DNAH12: variants seen among roughly 807,000 people sequenced by gnomAD.
DNAH12 encodes dynein axonemal heavy chain 12.
Under a neutral mutation model 371.5 loss-of-function variants are expected in DNAH12, and 285 were observed. The observed-to-expected ratio is 0.77, with a 90% CI of 0.70 to 0.85. DNAH12 has a LOEUF of 0.85. DNAH12 is among the 40% of genes least tolerant of loss of function. The probability of loss-of-function intolerance (pLI) is 0.00; values close to 1 mark genes in which losing one functional copy is unlikely to be tolerated. For missense variants in DNAH12, 3,611 were observed against 3,689.4 expected (o/e 0.98, Z 0.55); for synonymous variants, 1,200 against 1,213.0 (o/e 0.99, Z 0.22).
At position 57,507,820 on chromosome 3, in the gene DNAH12, G is replaced by C. The variant is rs1474138750; in HGVS notation, c.720C>G (p.Asp240Glu). 3 of 1,584,948 alleles carry C rather than the reference G, an allele frequency of 1.9e-6. No individual in the cohort carries two copies. The highest frequency in any genetic ancestry group is 2.6e-6 in the Non-Finnish European group (3 of 1,173,662). ...FTGIRAKGPI[D>E]CESLKTDLSI... ...ATAGATCAGTTTTCAGTGATTCACA[G>C]TCAATTGGACCTTTAGCTCTATTTA... The change falls in exon 8 of 74, where the codon GAC (aspartate) becomes GAG (glutamate). Residue 240 changes from aspartate (D) to glutamate (E), a missense_variant. Coordinates refer to ENST00000495027, the MANE Select transcript of DNAH12 (RefSeq NM_001366028.2).
chr3:57,552,163 T>C, the DNAH12 span, among the ~76,000 whole-genome samples: 1 of 150,534 alleles, frequency 6.6e-6, no homozygotes, highest in African/African-American at 2.4e-5. Context: ...GAGAATGGCA[T>C]GAACCCAGGA....
intron 17 of DNAH12, among the ~76,000 whole-genome samples, chr3:57,463,255 CAG>C (rs1312465502): frequency 6.7e-6 from 1 of 149,918 alleles, no homozygotes; most frequent in Non-Finnish European, 1.5e-5. Flanking sequence ...GCCTGGGTGA[CAG>C]AGTGAGGACT....
chr3:57,335,057 A>G, intron 60 of DNAH12, 117 bp from the exon 61 acceptor site: 1 of 1,061,544 alleles, frequency 9.4e-7, no homozygotes, highest in Non-Finnish European at 1.3e-6. Context: ...CACCTGCTGT[A>G]AACAACTAGA....
intron 52 of DNAH12, among the ~76,000 whole-genome samples, chr3:57,378,409 T>C (rs2063324408): frequency 1.3e-5 from 2 of 152,142 alleles, no homozygotes; most frequent in South Asian, 4.2e-4. Flanking sequence ...GTCTGCTCCT[T>C]TGAAACTAAC....
chr3:57,460,326 C>T (rs910309963), intron 19 of DNAH12, among the ~76,000 whole-genome samples: 9 of 151,982 alleles, frequency 5.9e-5, no homozygotes, highest in Admixed American at 1.3e-4. Context: ...TACATCAACA[C>T]AATTTGGAGA....
At chr3:57,302,529 G>GTTTATATACATATATATATATATA (rs879293648) in intron 69 of DNAH12, among the ~76,000 whole-genome samples, 1 of 47,850 alleles carries the variant, frequency 2.1e-5, no homozygotes, top group African/African-American at 8.5e-5. Flanking sequence ...GGCATCAGGT[G>GTTTATATACATATATATATATATA]TATATATATA....
intron 65 of DNAH12, among the ~76,000 whole-genome samples, chr3:57,319,460 G>A (rs2091037): frequency 0.015 from 2,245 of 152,210 alleles, 59 homozygotes; most frequent in African/African-American, 0.05. Flanking sequence ...GATCTTACAG[G>A]AAAAATTTTC....
chr3:57,516,507 C>G (rs760491324), intron 4 of DNAH12, among the ~76,000 whole-genome samples: 1 of 152,136 alleles, frequency 6.6e-6, no homozygotes, highest in Non-Finnish European at 1.5e-5. Context: ...TAATAAGTGT[C>G]GCCAATTACC....
intron 12 of DNAH12, among the ~76,000 whole-genome samples, chr3:57,487,414 A>AAAAG (rs5849211): frequency 0.56 from 81,954 of 146,018 alleles, 23,013 homozygotes; most frequent in South Asian, 0.62. Flanking sequence ...AAAAAAAAGA[A>AAAAG]AAAGAAAGAA....
At chr3:57,361,967 A>G (rs1450997582) in intron 58 of DNAH12, among the ~76,000 whole-genome samples, 1 of 151,888 alleles carries the variant, frequency 6.6e-6, no homozygotes. Context: ...GCACCCATTA[A>G]CTCGTCATTT....
At chr3:57,449,151 TAC>T (rs1180885032) in intron 25 of DNAH12, among the ~76,000 whole-genome samples, 2 of 147,806 alleles carry the variant, frequency 1.4e-5, no homozygotes, top group African/African-American at 2.5e-5. Flanking sequence ...AGCAGCTAGA[TAC>T]AGAGTGTTGA....
chr3:57,420,024 A>G (rs1003966894), intron 36 of DNAH12, among the ~76,000 whole-genome samples: 138 of 152,326 alleles, frequency 9.1e-4, no homozygotes, highest in African/African-American at 3.3e-3. Context: ...TAAAACCACT[A>G]TATTTGTTTC....
intron 69 of DNAH12, among the ~76,000 whole-genome samples, chr3:57,302,181 T>G (rs2061361033): frequency 1.3e-5 from 2 of 152,180 alleles, no homozygotes; most frequent in African/African-American, 4.8e-5. Context: ...TCAAAATTTT[T>G]GCTTTCTGGC....
At chr3:57,430,663 G>GTAT (rs978371761) in intron 32 of DNAH12, among the ~76,000 whole-genome samples, 1 of 151,954 alleles carries the variant, frequency 6.6e-6, no homozygotes, top group Non-Finnish European at 1.5e-5. Flanking sequence ...ACTTTTAATA[G>GTAT]TATTATTATT....
chr3:57,482,929 G>C (rs1254451681), intron 13 of DNAH12, among the ~76,000 whole-genome samples: 3 of 124,530 alleles, frequency 2.4e-5, no homozygotes, highest in African/African-American at 6.0e-5. Flanking sequence ...TTGTGGGGTG[G>C]GGGGAGGGGG....
chr3:57,310,124 G>A (rs755234645), intron 67 of DNAH12, among the ~76,000 whole-genome samples: 3 of 152,082 alleles, frequency 2.0e-5, no homozygotes, highest in Non-Finnish European at 4.4e-5. Flanking sequence ...GACAGAACTG[G>A]CACTGAGATG....
chr3:57,309,032 TTC>T (rs1478918908), intron 69 of DNAH12, 117 bp downstream of exon 69: 1 of 641,198 alleles, frequency 1.6e-6, no homozygotes, highest in East Asian at 3.1e-5. Context: ...ACATCGCCCA[TTC>T]TCTCTTCATA....
Position 57,311,087 on chromosome 3 carries a change from G to GT in DNAH12, c.10663-138dup, listed in dbSNP as rs11378069. ...TGTCTTTCGGTAGCTGAGATTGTTA[G>GT]TTTTTTTTTGGACAGTCTCGCTCTG... On this transcript the variant is annotated intron_variant, in intron 66 of 73. Transcript: ENST00000495027. 6.2e-3 allele frequency: 4,239 copies of GT among 678,716 alleles called. 63 individuals are homozygous for GT. The highest frequency in any genetic ancestry group is 0.052 in the African/African-American group (2,850 of 54,736). The allele number at this position is 678,716 out of a possible 1,614,324, so 42.0% of individuals were successfully genotyped here. A position where few individuals can be genotyped will look rare whatever the true frequency, so the allele number is the denominator to read the frequency against.
intron 43 of DNAH12, chr3:57,402,519 T>C: frequency 9.7e-7 from 1 of 1,028,460 alleles, no homozygotes. Context: ...AGAAACCATT[T>C]ATTTATCTGA....
Sources: gnomAD v4.1 joint callset for allele counts (sites outside exome capture counted in the v4.1 genomes callset) on GRCh38, gnomAD v4.1.1 for gene constraint, MANE v1.5 for transcripts, NCBI Gene and HGNC (gene_info 2026-07-23, HGNC 2026-07-21) for gene names.